COL12A1: variants seen among roughly 807,000 people sequenced by gnomAD.
COL12A1 encodes collagen alpha-1(XII) chain.
In COL12A1, 114 loss-of-function variants were observed where a neutral mutation model predicts 349.7. The observed-to-expected ratio is 0.33, with a 90% CI of 0.28 to 0.38. The LOEUF is 0.38. Among genes scored for constraint, COL12A1 ranks in the 10% least tolerant of loss-of-function variants. The pLI, the probability that COL12A1 is intolerant of heterozygous loss-of-function variation, is 1.00. For missense variants in COL12A1, 3,284 were observed against 3,756.9 expected (o/e 0.87, Z 3.29); for synonymous variants, 1,369 against 1,329.0 (o/e 1.03, Z -0.66).
At chr6:75,122,503 G>A (rs545120771) in intron 43 of COL12A1, among the ~76,000 whole-genome samples, 11 of 152,032 alleles carry the variant, frequency 7.2e-5, no homozygotes, top group African/African-American at 2.4e-4. Flanking sequence ...AACTACTCTA[G>A]AAAATAAAGC....
rs973166935 is a variant in COL12A1 at position 75,105,347 on chromosome 6, C to A, written c.8179-55G>T. On this transcript the variant is annotated intron_variant, in intron 53 of 65. Coordinates refer to ENST00000322507, the MANE Select transcript of COL12A1 (RefSeq NM_004370.6). ...AAATTTAGAGGAAAAAAATGACTTC[C>A]CATCCCCACCCCCACTTACATGCAC... The A allele has an allele frequency of 1.3e-5, 16 of 1,245,836 alleles. No individual in the cohort carries two copies. The Admixed American group carries it at 3.0e-4, about 23-fold the overall frequency. 77.2% of individuals were successfully genotyped at this position (1,245,836 alleles called of 1,614,324 possible).
chr6:75,196,558 T>G (rs1770236913), intron 2 of COL12A1, among the ~76,000 whole-genome samples: 1 of 152,240 alleles, frequency 6.6e-6, no homozygotes, highest in Admixed American at 6.5e-5. Flanking sequence ...GAGATTAGAC[T>G]ATTAATCTAC....
intron 13 of COL12A1, among the ~76,000 whole-genome samples, chr6:75,172,290 G>A (rs887956063): frequency 3.3e-5 from 5 of 152,074 alleles, no homozygotes; most frequent in Non-Finnish European, 5.9e-5. Flanking sequence ...AGTACATTTT[G>A]TTAAATACAA....
intron 12 of COL12A1, among the ~76,000 whole-genome samples, chr6:75,176,473 T>TG (rs1257226427): frequency 1.0e-5 from 1 of 99,212 alleles, no homozygotes; most frequent in Non-Finnish European, 2.1e-5. Flanking sequence ...CATGACGCAG[T>TG]GGGGGAGGAG....
chr6:75,113,794 AG>A (rs1768952488), intron 49 of COL12A1, 50 bp from the exon 50 acceptor site: 1 of 1,401,622 alleles, frequency 7.1e-7, no homozygotes, highest in Non-Finnish European at 9.7e-7. Context: ...AAAAAAAGAA[AG>A]GAAGAAAGAA....
chr6:75,129,176 C>T (rs900783245), intron 37 of COL12A1, among the ~76,000 whole-genome samples: 11 of 152,194 alleles, frequency 7.2e-5, no homozygotes, highest in African/African-American at 2.7e-4. Flanking sequence ...AGTTTCTCTG[C>T]TTTGGCAAAC....
chr6:75,119,205 A>T lies in COL12A1; in HGVS notation c.7211-19T>A. The T allele has an allele frequency of 2.5e-6, 4 of 1,613,812 alleles. No homozygotes were observed. Among genetic ancestry groups the T allele is most frequent in the Non-Finnish European group, 3.4e-6 (4 of 1,179,828 alleles). The stretch of plus-strand genomic sequence containing the variant: ...GCCTTGCCTACAGAATGTGGCATGG[A>T]AAATTTTAGTGTCACTTCAGTGAAA... On this transcript the variant is annotated intron_variant, in intron 45 of 65. Coordinates refer to ENST00000322507, the MANE Select transcript of COL12A1 (RefSeq NM_004370.6).
intron 64 of COL12A1, among the ~76,000 whole-genome samples, 193 bp downstream of exon 64, chr6:75,088,913 A>G (rs1355712674): frequency 1.3e-5 from 2 of 151,932 alleles, no homozygotes; most frequent in Non-Finnish European, 2.9e-5. Flanking sequence ...AGGCAGAAGA[A>G]TGGCGTGAAC....
chr6:75,102,387 A>G (rs1227971258), intron 56 of COL12A1, among the ~76,000 whole-genome samples: 1 of 152,158 alleles, frequency 6.6e-6, no homozygotes, highest in Non-Finnish European at 1.5e-5. Flanking sequence ...AAGTCAAATA[A>G]GTAGCAGTAA....
chr6:75,109,221 G>A (rs909357659), intron 51 of COL12A1, 54 bp from the exon 52 acceptor site: 4 of 1,284,354 alleles, frequency 3.1e-6, no homozygotes, highest in Non-Finnish European at 4.3e-6. Context: ...AAAATTAGCT[G>A]ACTCTGCATA....
intron 13 of COL12A1, among the ~76,000 whole-genome samples, chr6:75,168,768 G>T (rs1345190697): frequency 6.6e-6 from 1 of 152,108 alleles, no homozygotes; most frequent in Non-Finnish European, 1.5e-5. Flanking sequence ...TATTCGGGAG[G>T]TGTGCTGGGT....
chr6:75,093,647 A>AT (rs1415427818), intron 60 of COL12A1, among the ~76,000 whole-genome samples: 23 of 152,178 alleles, frequency 1.5e-4, no homozygotes, highest in African/African-American at 5.5e-4. Context: ...AAAGTATTGG[A>AT]TTTTTGTGGA....
At chr6:75,191,344 T>C (rs1451245619) in intron 5 of COL12A1, among the ~76,000 whole-genome samples, 1 of 152,010 alleles carries the variant, frequency 6.6e-6, no homozygotes, top group East Asian at 1.9e-4. Flanking sequence ...CATATATTCC[T>C]AAGTACCACC....
chr6:75,143,282 T>C lies in COL12A1; in HGVS notation c.4797A>G (p.Arg1599=), dbSNP rs1025841228. 1 of 1,614,006 alleles carries C rather than the reference T, an allele frequency of 6.2e-7. No individual in the cohort carries two copies. The highest frequency in any genetic ancestry group is 8.5e-7 in the Non-Finnish European group (1 of 1,179,938). Reference sequence around the variant, plus strand: ...TGACATCCTCTTCTGGTGTTTTGTATCGAACAATATATTTACGCACTTTTC... The same window carrying C: ...TGACATCCTCTTCTGGTGTTTTGTACCGAACAATATATTTACGCACTTTTC... The part of the protein sequence containing the change: ...VPGKVRKYIV[R]YKTPEEDVKE... Residue 1599 remains arginine (R), a synonymous_variant, in exon 26 of 66, where the codon CGA becomes CGG. Coordinates refer to ENST00000322507, the MANE Select transcript of COL12A1 (RefSeq NM_004370.6).
chr6:75,198,910 C>T (rs75331862), intron 2 of COL12A1, among the ~76,000 whole-genome samples: 129 of 152,280 alleles, frequency 8.5e-4, no homozygotes, highest in African/African-American at 3.0e-3. Flanking sequence ...TAGGAGAAAT[C>T]TTGACAAGTG....
intron 36 of COL12A1, 23 bp downstream of exon 36, chr6:75,130,829 T>C (rs1415267500): frequency 1.9e-6 from 3 of 1,613,738 alleles, no homozygotes; most frequent in Non-Finnish European, 2.5e-6. Context: ...GGGAATGGAA[T>C]GGAGAAAGGA....
At chr6:75,093,237 T>C (rs552932394) in intron 60 of COL12A1, among the ~76,000 whole-genome samples, 7 of 152,258 alleles carry the variant, frequency 4.6e-5, no homozygotes, top group Non-Finnish European at 7.3e-5. Flanking sequence ...TTTGCTGTTA[T>C]ATCACCTGAC....
intron 53 of COL12A1, 71 bp from the exon 54 acceptor site, chr6:75,105,363 T>C (rs561253855): frequency 9.9e-7 from 1 of 1,011,924 alleles, no homozygotes; most frequent in East Asian, 2.5e-5. Context: ...CCACCCCCAC[T>C]TACATGCACA....
rs765962454 is a variant in COL12A1 at position 75,183,405 on chromosome 6, G to C, written c.1536C>G (p.Tyr512Ter). The C allele has an allele frequency of 6.2e-7, 1 of 1,614,188 alleles. No homozygotes were observed. Residue 512 changes from tyrosine (Y) to a stop codon, truncating the protein, a stop_gained, in exon 10 of 66, where the codon TAC (tyrosine) becomes TAG (stop). Transcript: ENST00000322507. LOFTEE classifies it high-confidence loss of function. The part of the protein sequence containing the change: ...DIIEAINTFP[Y>*]RGGSTNTGKA... ...TGCCAGTATTTGTAGATCCTCCTCT[G>C]TAAGGGAAGGTGTTTATTGCTTCAA...
Sources: allele counts gnomAD v4.1 joint callset (sites outside exome capture counted in the v4.1 genomes callset), GRCh38; gene constraint gnomAD v4.1.1; transcripts MANE v1.5; gene names NCBI Gene and HGNC (gene_info 2026-07-23, HGNC 2026-07-21).